ADGRB1: variants seen among roughly 807,000 people sequenced by gnomAD.
ADGRB1 encodes the protein adhesion G protein-coupled receptor B1.
ADGRB1 carries 36 observed loss-of-function variants against 175.7 expected under a neutral mutation model. The observed-to-expected ratio is 0.20, with a 90% CI of 0.16 to 0.27. ADGRB1 has a LOEUF of 0.27. Among genes scored for constraint, ADGRB1 ranks in the 10% least tolerant of loss-of-function variants. The probability of loss-of-function intolerance (pLI) is 1.00; values close to 1 mark genes in which losing one functional copy is unlikely to be tolerated. For missense variants in ADGRB1, 1,731 were observed against 2,255.3 expected (o/e 0.77, Z 4.71); for synonymous variants, 1,054 against 979.4 (o/e 1.08, Z -1.42).
Position 142,536,984 on chromosome 8 carries a change from C to G in ADGRB1, c.3571-3C>G. On this transcript the variant is annotated splice_region_variant and splice_polypyrimidine_tract_variant and intron_variant, in intron 25 of 30. Coordinates refer to ENST00000517894, the MANE Select transcript of ADGRB1 (RefSeq NM_001702.3). Reference sequence around the variant, plus strand: ...ACTGAGGTGCTCGGCTCTCCCTCCCCAGGTCCAGGACGCTGTGAAATGCCG... The same window carrying G: ...ACTGAGGTGCTCGGCTCTCCCTCCCGAGGTCCAGGACGCTGTGAAATGCCG... The G allele has an allele frequency of 6.3e-7, 1 of 1,582,606 alleles. No individual in the cohort carries two copies.
rs899578295 is a variant in ADGRB1 at position 142,537,767 on chromosome 8, C to G, written c.3666+685C>G. Among the ~76,000 whole-genome samples, 1 of 152,172 alleles carries G rather than the reference C, an allele frequency of 6.6e-6. No homozygotes were observed. The highest frequency in any genetic ancestry group is 1.5e-5 in the Non-Finnish European group (1 of 68,014). On this transcript the variant is annotated intron_variant, in intron 26 of 30. Transcript: ENST00000517894. This position sits in a 1 kb window ranked among gnomAD's most constrained non-coding sequence, Gnocchi z 4.6. ...ACACGCACAGGTCCTGGGAGGGCGG[C>G]CCAAGTGGCGGTTCCTACGTAAGGG...
At chr8:142,472,387 G>C (rs1448247894) in intron 2 of ADGRB1, among the ~76,000 whole-genome samples, 1 of 152,208 alleles carries the variant, frequency 6.6e-6, no homozygotes, top group Non-Finnish European at 1.5e-5. Flanking sequence ...CCGGCATTGA[G>C]TGGGGGAAGA....
intron 12 of ADGRB1, 108 bp from the exon 13 acceptor site, chr8:142,484,548 A>G (rs527380639): frequency 1.7e-6 from 2 of 1,169,320 alleles, no homozygotes; most frequent in East Asian, 2.6e-5. Context: ...CTTCCTCAAA[A>G]TGTTAGGAAA....
At chr8:142,484,544 C>A in intron 12 of ADGRB1, 112 bp from the exon 13 acceptor site, 1 of 1,163,086 alleles carries the variant, frequency 8.6e-7, no homozygotes, top group Non-Finnish European at 1.2e-6. Context: ...CCCACTTCCT[C>A]AAAATGTTAG....
intron 1 of ADGRB1, 140 bp downstream of exon 1, chr8:142,450,244 A>G (rs1839257356): frequency 6.6e-6 from 1 of 152,090 alleles, no homozygotes; most frequent in African/African-American, 2.4e-5. Flanking sequence ...TTTTGCGCTC[A>G]GAGCTCAGGA....
intron 1 of ADGRB1, among the ~76,000 whole-genome samples, chr8:142,453,665 AGGGCAGG>A (rs968784111): frequency 9.9e-5 from 15 of 152,254 alleles, no homozygotes; most frequent in Admixed American, 3.9e-4. Context: ...AACTGGGAGC[AGGGCAGG>A]GGGCAGGGGG....
rs1008587212 is a variant in ADGRB1 at position 142,504,534 on chromosome 8, G to A, written c.2676-6398G>A. 2.1e-4 allele frequency among the ~76,000 whole-genome samples: 32 copies of A among 152,132 alleles called. No homozygotes were observed. The highest frequency in any genetic ancestry group is 5.6e-4 in the African/African-American group (23 of 41,428). ...CACAGGGAGGGGAGCCCAGCACAGC[G>A]GTGGGGAAGGGTCTGGCTGAGGGTC... On this transcript the variant is annotated intron_variant, in intron 17 of 30. Coordinates refer to ENST00000517894, the MANE Select transcript of ADGRB1 (RefSeq NM_001702.3). This position sits in a 1 kb window ranked among gnomAD's most constrained non-coding sequence, Gnocchi z 5.6.
Position 142,464,100 on chromosome 8 carries a change from ACCGGGCCGGCCCTGCCCGCCGCCGG to A in ADGRB1, c.-98_-74del. On this transcript the variant is annotated 5_prime_UTR_variant, in exon 2 of 31. Transcript: ENST00000517894. ...ACCCTTGCCCCGCCTCCCTGCCCCC[ACCGGGCCGGCCCTGCCCGCCGCCGG>A]ACCCTGGCATGTCAAGACCTGGTCC... is the stretch of plus-strand genomic sequence containing the variant. 1 of 280,430 alleles carries A rather than the reference ACCGGGCCGGCCCTGCCCGCCGCCGG, an allele frequency of 3.6e-6. No homozygotes were observed. The highest frequency in any genetic ancestry group is 4.9e-6 in the Non-Finnish European group (1 of 204,856). The allele number at this position is 280,430 out of a possible 1,614,324, so 17.4% of individuals were successfully genotyped here. A position where few individuals can be genotyped will look rare whatever the true frequency, so the allele number is the denominator to read the frequency against.
chr8:142,475,793 C>A (rs1251508332), intron 3 of ADGRB1, among the ~76,000 whole-genome samples, 158 bp downstream of exon 3: 1 of 47,428 alleles, frequency 2.1e-5, no homozygotes, highest in Non-Finnish European at 4.6e-5. Context: ...GGGGCGGGAC[C>A]AGGTAGGGGC....
chr8:142,523,091 G>C (rs1244693498), intron 22 of ADGRB1, among the ~76,000 whole-genome samples: 1 of 152,238 alleles, frequency 6.6e-6, no homozygotes, highest in Non-Finnish European at 1.5e-5. Flanking sequence ...GGGCACAGTG[G>C]GCACACCCCC....
intron 8 of ADGRB1, 30 bp downstream of exon 8, chr8:142,479,517 T>C (rs775978989): frequency 6.6e-7 from 1 of 1,522,710 alleles, no homozygotes; most frequent in Non-Finnish European, 8.8e-7. Flanking sequence ...GGCTGGGCTC[T>C]GGGGAGGGCT....
intron 17 of ADGRB1, among the ~76,000 whole-genome samples, chr8:142,509,713 A>G (rs1317592984): frequency 1.3e-5 from 2 of 152,252 alleles, no homozygotes; most frequent in African/African-American, 4.8e-5. Flanking sequence ...GTCCGGGGGC[A>G]GGGGCTGTGT....
intron 21 of ADGRB1, 104 bp downstream of exon 21, chr8:142,522,219 G>C: frequency 6.8e-7 from 1 of 1,476,110 alleles, no homozygotes; most frequent in South Asian, 1.4e-5. Context: ...TGGACCCCTG[G>C]GGCCTCAGTT....
chr8:142,495,005 A>G (rs1842147624), intron 17 of ADGRB1, among the ~76,000 whole-genome samples: 1 of 152,152 alleles, frequency 6.6e-6, no homozygotes, highest in South Asian at 2.1e-4. Context: ...GGGCGGGGAC[A>G]GTGGCAGTTA....
In ADGRB1 at chr8:142,492,900, A is replaced by G. The variant is rs998087487; in HGVS notation, c.2675+2085A>G. On this transcript the variant is annotated intron_variant, in intron 17 of 30. Coordinates refer to ENST00000517894, the MANE Select transcript of ADGRB1 (RefSeq NM_001702.3). This position sits in a 1 kb window ranked among gnomAD's most constrained non-coding sequence, Gnocchi z 4.4. ...TCCACCAGCACAGGCCCCTCCCCAC[A>G]GTGCAGAAACCCTCCATCCGGGCTG... Among the ~76,000 whole-genome samples the G allele has an allele frequency of 3.3e-5, 5 of 151,436 alleles. No individual in the cohort carries two copies. The highest frequency in any genetic ancestry group is 7.4e-5 in the Non-Finnish European group (5 of 67,924).
rs372066519 is a variant in ADGRB1, at chr8:142,544,237, G to A, written c.4575G>A (p.Thr1525=). ...CCCAGCAGCCGGAAAAGCAGCAGAC[G>A]CCCAACAAGAGGCCCTGGGAGAGCC... ...GPDSKPEKQQ[T]PNKRPWESLR... Residue 1525 remains threonine, a synonymous_variant, in exon 31 of 31, where the codon ACG becomes ACA. Coordinates refer to ENST00000517894, the MANE Select transcript of ADGRB1 (RefSeq NM_001702.3). 1.3e-5 allele frequency: 20 copies of A among 1,548,948 alleles called. No individual in the cohort carries two copies. Among genetic ancestry groups the A allele is most frequent in the Admixed American group, 9.8e-5 (5 of 50,964 alleles).
Position 142,543,803 on chromosome 8 carries a change from C to T in ADGRB1, c.4557+95C>T. 1 of 1,152,450 alleles carries T rather than the reference C, an allele frequency of 8.7e-7. No individual in the cohort carries two copies. The highest frequency in any genetic ancestry group is 1.3e-6 in the Non-Finnish European group (1 of 790,688). The allele number at this position is 1,152,450 out of a possible 1,614,324, so 71.4% of individuals were successfully genotyped here. A position where few individuals can be genotyped will look rare whatever the true frequency, so the allele number is the denominator to read the frequency against. On this transcript the variant is annotated intron_variant, in intron 30 of 30. Transcript: ENST00000517894. The surrounding 1 kb of genome is among the most constrained non-coding windows in gnomAD (Gnocchi z 4.4). Reference sequence around the variant, plus strand: ...GATTTGTGCACTTCATCCATCCATCCATCCATCCATCCATTCGTTCATTCA... The same window carrying T: ...GATTTGTGCACTTCATCCATCCATCTATCCATCCATCCATTCGTTCATTCA...
At chr8:142,536,144 C>T (rs1364999411) in intron 25 of ADGRB1, among the ~76,000 whole-genome samples, 1 of 152,044 alleles carries the variant, frequency 6.6e-6, no homozygotes, top group African/African-American at 2.4e-5. Flanking sequence ...CCCAGCTTGC[C>T]CTCTTTCTGC....
intron 17 of ADGRB1, among the ~76,000 whole-genome samples, chr8:142,500,675 GTGAC>G (rs1024454546): frequency 1.3e-5 from 2 of 152,050 alleles, no homozygotes; most frequent in Non-Finnish European, 2.9e-5. Context: ...AGGGAGGGTG[GTGAC>G]TGACTGACTG....
Sources: gnomAD v4.1 joint callset for allele counts (sites outside exome capture counted in the v4.1 genomes callset) on GRCh38, gnomAD v4.1.1 for gene constraint, Gnocchi (gnomAD v3.1) non-coding constraint, MANE v1.5 for transcripts, NCBI Gene and HGNC (gene_info 2026-07-23, HGNC 2026-07-21) for gene names.